The following NR1H4 variants were observed in gnomAD, a reference collection of about 807,000 sequenced individuals.
NR1H4 encodes nuclear receptor subfamily 1 group H member 4, also known as bile acid receptor.
NR1H4 carries 23 observed loss-of-function variants against 58.5 expected under a neutral mutation model. That is an observed-to-expected ratio of 0.39 (90% CI 0.28 to 0.56). The LOEUF (loss-of-function observed/expected upper bound fraction) is 0.56, where lower values mean the gene tolerates loss of function less well. Ranked by LOEUF, NR1H4 falls within the 20% of genes least tolerant of loss-of-function variation. The pLI, the probability that NR1H4 is intolerant of heterozygous loss-of-function variation, is 0.58. For synonymous variants in NR1H4, 214 were observed against 198.0 expected, an observed-to-expected ratio of 1.08 and a Z score of -0.68; for missense variants, 487 against 576.9, an observed-to-expected ratio of 0.84 and a Z score of 1.60.
chr12:100,494,569 C>T (rs1953671243), intron 3 of NR1H4, among the ~76,000 whole-genome samples: 3 of 152,198 alleles, frequency 2.0e-5, no homozygotes, highest in Admixed American at 1.3e-4. Flanking sequence ...TTATTAAATG[C>T]CAGTTCTCCC....
At chr12:100,548,209 T>A (rs1055291781) in intron 9 of NR1H4, among the ~76,000 whole-genome samples, 1 of 149,828 alleles carries the variant, frequency 6.7e-6, no homozygotes, top group Non-Finnish European at 1.5e-5. Flanking sequence ...CTACTAAAAA[T>A]ATAAAAAATT....
At chr12:100,526,372 T>C (rs1348421931) in intron 4 of NR1H4, among the ~76,000 whole-genome samples, 1 of 152,184 alleles carries the variant, frequency 6.6e-6, no homozygotes, top group African/African-American at 2.4e-5. Flanking sequence ...TCATTTCCCT[T>C]TAGTTCATTT....
chr12:100,532,385 C>G, intron 4 of NR1H4, 73 bp from the exon 5 acceptor site: 8 of 1,517,224 alleles, frequency 5.3e-6, no homozygotes, highest in Admixed American at 3.4e-5. Context: ...CCTGGCATCT[C>G]TCAATCCAAA....
chr12:100,541,666 T>C (rs572222781), intron 9 of NR1H4, among the ~76,000 whole-genome samples: 2 of 151,874 alleles, frequency 1.3e-5, no homozygotes, highest in Admixed American at 1.3e-4. Flanking sequence ...AGTGGCATGC[T>C]CTTGGCTCAC....
At chr12:100,509,913 GCGCA>G (rs151010988) in intron 3 of NR1H4, among the ~76,000 whole-genome samples, 8,989 of 145,738 alleles carry the variant, frequency 0.062, 673 homozygotes, top group East Asian at 0.29. Flanking sequence ...GGGCACGTGC[GCGCA>G]CACACACACA....
At chr12:100,544,881 AT>A (rs1260515358) in intron 9 of NR1H4, among the ~76,000 whole-genome samples, 4 of 151,860 alleles carry the variant, frequency 2.6e-5, no homozygotes, top group African/African-American at 4.8e-5. Flanking sequence ...TCTTTTTTGC[AT>A]TTGAGTGTAA....
intron 1 of NR1H4, among the ~76,000 whole-genome samples, chr12:100,489,604 G>A (rs1051154341): frequency 3.3e-5 from 5 of 152,134 alleles, no homozygotes; most frequent in Admixed American, 1.3e-4. Context: ...ACAGGCAGCC[G>A]ACCGGATTTG....
At chr12:100,481,819 C>G (rs1318453768) in intron 1 of NR1H4, among the ~76,000 whole-genome samples, 1 of 151,916 alleles carries the variant, frequency 6.6e-6, no homozygotes, top group Non-Finnish European at 1.5e-5. Context: ...GAGGCTGAGG[C>G]AGGAGAATGG....
chr12:100,529,189 AC>A (rs1281667352), intron 4 of NR1H4, among the ~76,000 whole-genome samples: 1 of 152,138 alleles, frequency 6.6e-6, no homozygotes, highest in Non-Finnish European at 1.5e-5. Context: ...CAAGTCCATG[AC>A]TTTCTTAACC....
chr12:100,500,121 C>A (rs187978920), intron 3 of NR1H4: 403 of 355,396 alleles, frequency 1.1e-3, no homozygotes, highest in Non-Finnish European at 1.3e-3. Context: ...AAGTAGGCAA[C>A]TGAAATATAA....
At chr12:100,481,543 G>A (rs894190565) in intron 1 of NR1H4, among the ~76,000 whole-genome samples, 3 of 152,156 alleles carry the variant, frequency 2.0e-5, no homozygotes, top group African/African-American at 4.8e-5. Context: ...GGAGGCTGAG[G>A]TGGGCAGATT....
At chr12:100,513,156 G>A (rs893574486) in intron 4 of NR1H4, among the ~76,000 whole-genome samples, 2 of 152,162 alleles carry the variant, frequency 1.3e-5, no homozygotes, top group Admixed American at 6.5e-5. Flanking sequence ...TTCGTTGGAA[G>A]CATAGATTAA....
chr12:100,484,321 A>T (rs2136081971), intron 1 of NR1H4, among the ~76,000 whole-genome samples: 1 of 152,266 alleles, frequency 6.6e-6, no homozygotes, highest in East Asian at 1.9e-4. Flanking sequence ...TCCGATTGCA[A>T]ATGGTTTATA....
chr12:100,483,208 G>C (rs1209174343), intron 1 of NR1H4, among the ~76,000 whole-genome samples: 1 of 152,102 alleles, frequency 6.6e-6, no homozygotes, highest in East Asian at 1.9e-4. Flanking sequence ...TTACAGGCAT[G>C]AGCCACTGTG....
chr12:100,526,117 C>A (rs577252568), intron 4 of NR1H4, among the ~76,000 whole-genome samples: 1 of 150,856 alleles, frequency 6.6e-6, no homozygotes, highest in African/African-American at 2.4e-5. Flanking sequence ...TTTAAAGAAC[C>A]AGCTTTTGGT....
chr12:100,531,024 G>T (rs1183949945), intron 4 of NR1H4, among the ~76,000 whole-genome samples: 5 of 152,194 alleles, frequency 3.3e-5, no homozygotes, highest in Admixed American at 6.5e-5. Context: ...CCATTATGGG[G>T]TTATCTTAGG....
intron 9 of NR1H4, among the ~76,000 whole-genome samples, chr12:100,560,407 C>T (rs1055160148): frequency 6.6e-6 from 1 of 152,208 alleles, no homozygotes; most frequent in African/African-American, 2.4e-5. Context: ...GTAACACTCA[C>T]TGCGAAGATC....
rs536556761 is a variant in NR1H4, at chr12:100,474,906, C to T, written c.-190+847C>T. Among the ~76,000 whole-genome samples, 1,021 of 151,556 alleles carry T rather than the reference C, an allele frequency of 6.7e-3. 9 individuals are homozygous for T. The highest frequency in any genetic ancestry group is 0.024 in the African/African-American group (975 of 40,902). ...GCTGTTTCTGGTGCTGTCTTAGAAT[C>T]ACTTCAGGAGTATTGACAAGAGGGG... On this transcript the variant is annotated intron_variant, in intron 1 of 10. Transcript: ENST00000392986.
chr12:100,563,647 G>A lies in NR1H4; in HGVS notation c.*158G>A. 1.5e-6 allele frequency: 1 copy of A among 667,682 alleles called. No individual in the cohort carries two copies. The highest frequency in any genetic ancestry group is 1.9e-5 in the South Asian group (1 of 53,806). The allele number at this position is 667,682 out of a possible 1,614,324, so 41.4% of individuals were successfully genotyped here. A position where few individuals can be genotyped will look rare whatever the true frequency, so the allele number is the denominator to read the frequency against. ...GTAACTTCCACAACTGTAAATATTG[G>A]GCTAGATAGAACAACTTTCTCTACA... On this transcript the variant is annotated 3_prime_UTR_variant, in exon 11 of 11. Transcript: ENST00000392986.
Sources: gnomAD v4.1 joint callset for allele counts (sites outside exome capture counted in the v4.1 genomes callset) on GRCh38, gnomAD v4.1.1 for gene constraint, MANE v1.5 for transcripts, NCBI Gene and HGNC (gene_info 2026-07-23, HGNC 2026-07-21) for gene names.